The following PELI1 variants were observed in gnomAD, a reference collection of about 807,000 sequenced individuals.
PELI1 encodes E3 ubiquitin-protein ligase pellino homolog 1.
A neutral mutation model predicts 41.3 loss-of-function variants in PELI1; 15 were observed. The observed-to-expected ratio is 0.36, with a 90% CI of 0.24 to 0.56. The LOEUF (loss-of-function observed/expected upper bound fraction) is 0.56, where lower values mean the gene tolerates loss of function less well. Ranked by LOEUF, PELI1 falls within the 20% of genes least tolerant of loss-of-function variation. The pLI is 0.82. For synonymous variants in PELI1, 178 were observed against 180.1 expected, an observed-to-expected ratio of 0.99 and a Z score of 0.09; for missense variants, 403 against 525.5, an observed-to-expected ratio of 0.77 and a Z score of 2.28.
At chr2:64,098,927 T>C (rs978224582) in intron 4 of PELI1, among the ~76,000 whole-genome samples, 5 of 152,160 alleles carry the variant, frequency 3.3e-5, no homozygotes, top group African/African-American at 1.2e-4. Flanking sequence ...CTCTACTTTA[T>C]GAAAAAGACA....
At chr2:64,115,692 C>T (rs1680967378) in intron 1 of PELI1, among the ~76,000 whole-genome samples, 1 of 152,088 alleles carries the variant, frequency 6.6e-6, no homozygotes, top group Admixed American at 6.6e-5. Context: ...ACTGAAGCTA[C>T]CAGAGGTAAA....
chr2:64,124,615 G>C (rs1681328547), intron 1 of PELI1, among the ~76,000 whole-genome samples: 1 of 152,216 alleles, frequency 6.6e-6, no homozygotes, highest in Admixed American at 6.5e-5. Context: ...TTATGAAATT[G>C]ACACTTAGGT....
chr2:64,143,663 G>C (rs567775959), intron 1 of PELI1: 1 of 152,186 alleles, frequency 6.6e-6, no homozygotes, highest in Non-Finnish European at 1.5e-5. Flanking sequence ...TGAAGTCTGC[G>C]TTATGTAAGG....
chr2:64,094,686 G>C lies in PELI1; in HGVS notation c.*16C>G. The C allele has an allele frequency of 1.9e-6, 3 of 1,587,292 alleles. No homozygotes were observed. The highest frequency in any genetic ancestry group is 2.6e-6 in the Non-Finnish European group (3 of 1,156,980). On this transcript the variant is annotated 3_prime_UTR_variant, in exon 7 of 7. Coordinates refer to ENST00000358912, the MANE Select transcript of PELI1 (RefSeq NM_020651.4). ...GCTTATAAATTTATAATGTAGTCCT[G>C]CAAGACAATGGTCTGTTAGTCTAGA...
In PELI1 at chr2:64,096,724, A is replaced by C. The variant is rs1018080997; in HGVS notation, c.304-114T>G. 6.0e-6 allele frequency: 4 copies of C among 669,126 alleles called. No individual in the cohort carries two copies. The Admixed American group carries it at 1.1e-4, about 19-fold the overall frequency. 41.4% of individuals were successfully genotyped at this position (669,126 alleles called of 1,614,324 possible). ...AGGTCTCTGAAATTTCTAAAGTTGA[A>C]GTTTACCATACTTAACGCTGGGGGC... On this transcript the variant is annotated intron_variant, in intron 4 of 6. Transcript: ENST00000358912.
chr2:64,098,540 A>T (rs995031456), intron 4 of PELI1, among the ~76,000 whole-genome samples: 1 of 152,198 alleles, frequency 6.6e-6, no homozygotes, highest in Non-Finnish European at 1.5e-5. Flanking sequence ...TGATAAAAAG[A>T]TCTACATGAA....
At chr2:64,112,366 C>A (rs1225413346) in intron 1 of PELI1, among the ~76,000 whole-genome samples, 1 of 152,128 alleles carries the variant, frequency 6.6e-6, no homozygotes, top group East Asian at 1.9e-4. Flanking sequence ...TTGGTCCTGA[C>A]ATAAGAATTT....
At chr2:64,109,565 A>G (rs1460687568) in intron 1 of PELI1, among the ~76,000 whole-genome samples, 1 of 152,184 alleles carries the variant, frequency 6.6e-6, no homozygotes, top group East Asian at 1.9e-4. Context: ...CTGTAATCCC[A>G]GCTACTAAGG....
intron 1 of PELI1, among the ~76,000 whole-genome samples, chr2:64,112,926 C>T (rs1680853314): frequency 6.6e-6 from 1 of 151,982 alleles, no homozygotes; most frequent in Non-Finnish European, 1.5e-5. Flanking sequence ...TGCTTTCCTA[C>T]TCACTGTCTT....
rs1176322127 is a variant in PELI1, at chr2:64,093,197, A to C, written c.*1505T>G. The C allele has an allele frequency of 6.6e-6, 1 of 152,658 alleles. No individual in the cohort carries two copies. Among genetic ancestry groups the C allele is most frequent in the Non-Finnish European group, 1.5e-5 (1 of 68,034 alleles). 9.5% of individuals were successfully genotyped at this position (152,658 alleles called of 1,614,324 possible). A position where few individuals can be genotyped will look rare whatever the true frequency, so the allele number is the denominator to read the frequency against. On this transcript the variant is annotated 3_prime_UTR_variant, in exon 7 of 7. Coordinates refer to ENST00000358912, the MANE Select transcript of PELI1 (RefSeq NM_020651.4). ...AATAATTCATGGCTTCTAAGCAACA[A>C]GTTTTGTTTTTTAAAAACCAAAAGA... is the stretch of plus-strand genomic sequence containing the variant.
Position 64,108,361 on chromosome 2 carries a change from A to G in PELI1, c.-51T>C, listed in dbSNP as rs746579841. 4.6e-6 allele frequency: 5 copies of G among 1,077,042 alleles called. No homozygotes were observed. The highest frequency in any genetic ancestry group is 7.2e-6 in the Non-Finnish European group (5 of 696,358). 66.7% of individuals were successfully genotyped at this position (1,077,042 alleles called of 1,614,324 possible). On this transcript the variant is annotated 5_prime_UTR_variant, in exon 2 of 7. Transcript: ENST00000358912. ...TTGTTCACTGGTCAGGAGCCTTGGGACACCTTTTGCATTATTTCCTAGAGG... is the reference window on the plus strand; with the variant it reads ...TTGTTCACTGGTCAGGAGCCTTGGGGCACCTTTTGCATTATTTCCTAGAGG...
At chr2:64,096,740 C>T (rs183443697) in intron 4 of PELI1, 130 bp from the exon 5 acceptor site, 22 of 611,396 alleles carry the variant, frequency 3.6e-5, no homozygotes, top group East Asian at 3.3e-4. Context: ...CCATACTTAA[C>T]GCTGGGGGCA....
At chr2:64,106,873 G>A (rs1013411313) in intron 2 of PELI1, among the ~76,000 whole-genome samples, 8 of 152,154 alleles carry the variant, frequency 5.3e-5, no homozygotes, top group African/African-American at 1.9e-4. Flanking sequence ...ATCTAGAGTT[G>A]CTTTTTAGGC....
At chr2:64,104,907 G>C in intron 2 of PELI1, 77 bp from the exon 3 acceptor site, 1 of 1,271,136 alleles carries the variant, frequency 7.9e-7, no homozygotes, top group African/African-American at 1.5e-5. Flanking sequence ...ACTTTGCCTT[G>C]CAGAATCAAT....
rs773520528 is a variant in PELI1, at chr2:64,104,736, T to C, written c.166A>G (p.Thr56Ala). Reference sequence around the variant, plus strand: ...TGAGGAGTACAAGCAATATGCACAGTGCTGGGCTTCACCCCATTTGCCTTA... The same window carrying C: ...TGAGGAGTACAAGCAATATGCACAGCGCTGGGCTTCACCCCATTTGCCTTA... Reference protein sequence around the residue: ...RPKANGVKPSTVHIACTPQAA... With the variant: ...RPKANGVKPSAVHIACTPQAA... Residue 56 changes from threonine (T) to alanine (A), a missense_variant, in exon 3 of 7, where the codon ACT becomes GCT. Coordinates refer to ENST00000358912, the MANE Select transcript of PELI1 (RefSeq NM_020651.4). The C allele has an allele frequency of 3.3e-5, 53 of 1,612,396 alleles. No individual in the cohort carries two copies. Among genetic ancestry groups the C allele is most frequent in the Non-Finnish European group, 4.3e-5 (51 of 1,179,554 alleles).
intron 1 of PELI1, among the ~76,000 whole-genome samples, chr2:64,128,423 G>C (rs1681457352): frequency 6.6e-6 from 1 of 151,804 alleles, no homozygotes; most frequent in Non-Finnish European, 1.5e-5. Context: ...TTCTCCTTTT[G>C]AACTAAGTGA....
rs1024368786 is a variant in PELI1 at position 64,094,642 on chromosome 2, C to T, written c.*60G>A. Reference sequence around the variant, plus strand: ...AAAACTGTGACGTGGACAACAGGTTCGAAAACCCAACTCACTTAGCTTATA... The same window carrying T: ...AAAACTGTGACGTGGACAACAGGTTTGAAAACCCAACTCACTTAGCTTATA... On this transcript the variant is annotated 3_prime_UTR_variant, in exon 7 of 7. Coordinates refer to ENST00000358912, the MANE Select transcript of PELI1 (RefSeq NM_020651.4). The T allele has an allele frequency of 2.9e-5, 37 of 1,275,924 alleles. No individual in the cohort carries two copies. Among genetic ancestry groups the T allele is most frequent in the Middle Eastern group, 1.9e-4 (1 of 5,232 alleles). 79.0% of individuals were successfully genotyped at this position (1,275,924 alleles called of 1,614,324 possible).
At chr2:64,098,228 C>A (rs1680308892) in intron 4 of PELI1, among the ~76,000 whole-genome samples, 1 of 152,180 alleles carries the variant, frequency 6.6e-6, no homozygotes, top group Admixed American at 6.5e-5. Flanking sequence ...TCTTCCCCTG[C>A]TATTATTAGC....
chr2:64,099,295 A>T (rs566279768), intron 4 of PELI1, among the ~76,000 whole-genome samples: 1 of 152,176 alleles, frequency 6.6e-6, no homozygotes, highest in South Asian at 2.1e-4. Context: ...CCCCCTGAGT[A>T]ACTGAGACTA....
Sources: allele counts gnomAD v4.1 joint callset (sites outside exome capture counted in the v4.1 genomes callset), GRCh38; gene constraint gnomAD v4.1.1; transcripts MANE v1.5; gene names NCBI Gene and HGNC (gene_info 2026-07-23, HGNC 2026-07-21).